Variants in RBFOX3 observed in about 807,000 individuals in gnomAD.
The protein encoded by RBFOX3 is RNA binding protein fox-1 homolog 3.
A neutral mutation model predicts 48.7 loss-of-function variants in RBFOX3; 17 were observed. The ratio of observed to expected loss-of-function variants is 0.35; its 90% confidence interval spans 0.24 to 0.52. RBFOX3 has a LOEUF of 0.52. Ranked by LOEUF, RBFOX3 falls within the 20% of genes least tolerant of loss-of-function variation. The probability of loss-of-function intolerance (pLI) is 0.94; values close to 1 mark genes in which losing one functional copy is unlikely to be tolerated. For missense variants in RBFOX3, 382 were observed against 497.5 expected (o/e 0.77, Z 2.21); for synonymous variants, 212 against 209.5 (o/e 1.01, Z -0.10).
chr17:79,236,121 CA>C (rs1469586142), intron 3 of RBFOX3, among the ~76,000 whole-genome samples: 1 of 152,164 alleles, frequency 6.6e-6, no homozygotes, highest in Non-Finnish European at 1.5e-5. Flanking sequence ...CCTCAAACTC[CA>C]AGCACTCCCC....
intron 4 of RBFOX3, among the ~76,000 whole-genome samples, chr17:79,134,083 G>A (rs955084899): frequency 6.6e-6 from 1 of 152,230 alleles, no homozygotes; most frequent in Non-Finnish European, 1.5e-5. Flanking sequence ...ACGGCGGGAA[G>A]GCAGGACCCC....
intron 1 of RBFOX3, among the ~76,000 whole-genome samples, chr17:79,519,405 C>T (rs1029640528): frequency 6.6e-6 from 1 of 152,368 alleles, no homozygotes; most frequent in Admixed American, 6.5e-5. Flanking sequence ...TGCAGCCCAC[C>T]CAGCTCAGAG....
chr17:79,123,840 G>A (rs531928807), intron 4 of RBFOX3, among the ~76,000 whole-genome samples: 7 of 152,304 alleles, frequency 4.6e-5, no homozygotes, highest in Admixed American at 1.3e-4. Flanking sequence ...CAGGAAACCC[G>A]GCTGTGCTGC....
At chr17:79,381,007 A>T (rs1453425419) in intron 2 of RBFOX3, among the ~76,000 whole-genome samples, 3 of 152,208 alleles carry the variant, frequency 2.0e-5, no homozygotes, top group Non-Finnish European at 4.4e-5. Flanking sequence ...CATGCCTGTA[A>T]TCCCAGCACT....
At chr17:79,217,572 G>A (rs1401061228) in intron 4 of RBFOX3, among the ~76,000 whole-genome samples, 1 of 152,172 alleles carries the variant, frequency 6.6e-6, no homozygotes, top group Admixed American at 6.5e-5. Context: ...GAGATGGAGG[G>A]GTGAATGGGT....
intron 1 of RBFOX3, among the ~76,000 whole-genome samples, chr17:79,509,099 C>T (rs922882887): frequency 6.6e-6 from 1 of 151,748 alleles, no homozygotes; most frequent in Non-Finnish European, 1.5e-5. Flanking sequence ...GTTCTTTGGC[C>T]GGTCTGAATG....
chr17:79,587,038 T>C (rs2093271345), intron 1 of RBFOX3, among the ~76,000 whole-genome samples: 1 of 152,146 alleles, frequency 6.6e-6, no homozygotes, highest in Non-Finnish European at 1.5e-5. Context: ...CAGAAACTGG[T>C]CCAAGAAAGA....
chr17:79,333,770 C>T (rs946929038), intron 2 of RBFOX3, among the ~76,000 whole-genome samples: 1 of 152,122 alleles, frequency 6.6e-6, no homozygotes, highest in Non-Finnish European at 1.5e-5. Flanking sequence ...TCCCTGATCC[C>T]ATCCTCCTCT....
At chr17:79,206,434 A>T (rs2057492346) in intron 4 of RBFOX3, among the ~76,000 whole-genome samples, 1 of 152,180 alleles carries the variant, frequency 6.6e-6, no homozygotes, top group South Asian at 2.1e-4. Context: ...AGTCTCCGGC[A>T]AGTCTCATTG....
At chr17:79,193,699 T>G (rs116946117) in intron 4 of RBFOX3, among the ~76,000 whole-genome samples, 2 of 152,216 alleles carry the variant, frequency 1.3e-5, no homozygotes, top group African/African-American at 2.4e-5. Context: ...AAATCCACAC[T>G]GGGAAGACTA....
At chr17:79,144,449 C>A (rs984961092) in intron 4 of RBFOX3, among the ~76,000 whole-genome samples, 1 of 152,218 alleles carries the variant, frequency 6.6e-6, no homozygotes, top group Non-Finnish European at 1.5e-5. Flanking sequence ...CTCCTGCAGG[C>A]CTCACTCAGA....
At chr17:79,400,820 G>A (rs1365791688) in intron 2 of RBFOX3, among the ~76,000 whole-genome samples, 1 of 152,156 alleles carries the variant, frequency 6.6e-6, no homozygotes, top group South Asian at 2.1e-4. Flanking sequence ...CTCTGCATCA[G>A]TCAGGCCACC....
chr17:79,321,333 CA>C (rs1221481602), intron 2 of RBFOX3, among the ~76,000 whole-genome samples: 4 of 152,310 alleles, frequency 2.6e-5, no homozygotes, highest in Admixed American at 1.3e-4. Context: ...AAAATCAGGA[CA>C]CTCTTGCAAT....
intron 2 of RBFOX3, among the ~76,000 whole-genome samples, chr17:79,358,571 T>C (rs904465324): frequency 2.0e-5 from 3 of 152,076 alleles, no homozygotes; most frequent in Admixed American, 1.3e-4. Flanking sequence ...AGCAATTCCA[T>C]TGCCTCAGTC....
intron 4 of RBFOX3, among the ~76,000 whole-genome samples, chr17:79,207,376 C>T (rs1467471039): frequency 2.0e-5 from 3 of 152,236 alleles, no homozygotes; most frequent in East Asian, 1.9e-4. Context: ...CAGTGTCCCT[C>T]GATTAGCCAC....
At chr17:79,609,883 C>T (rs1416523724) in intron 1 of RBFOX3, among the ~76,000 whole-genome samples, 1 of 152,004 alleles carries the variant, frequency 6.6e-6, no homozygotes, top group Non-Finnish European at 1.5e-5. Flanking sequence ...CCTTCCCGAG[C>T]GTGCGAGCCC....
chr17:79,486,162 C>T (rs886533194), intron 1 of RBFOX3, among the ~76,000 whole-genome samples: 13 of 152,146 alleles, frequency 8.5e-5, no homozygotes, highest in Admixed American at 6.5e-4. Flanking sequence ...CTCTAGGCCC[C>T]GCAGCCCGGC....
At chr17:79,494,186 T>C (rs985863256) in intron 1 of RBFOX3, among the ~76,000 whole-genome samples, 1 of 152,106 alleles carries the variant, frequency 6.6e-6, no homozygotes, top group African/African-American at 2.4e-5. Flanking sequence ...CCTTCAAGCA[T>C]TCAACAAACA....
Position 79,471,059 on chromosome 17 carries a change from G to A in RBFOX3, c.-175+11395C>T, listed in dbSNP as rs1555756680. 1.3e-5 allele frequency among the ~76,000 whole-genome samples: 2 copies of A among 152,176 alleles called. No individual in the cohort carries two copies. The highest frequency in any genetic ancestry group is 2.9e-5 in the Non-Finnish European group (2 of 68,028). On this transcript the variant is annotated intron_variant, in intron 2 of 14. Transcript: ENST00000693108. The surrounding 1 kb of genome is among the most constrained non-coding windows in gnomAD (Gnocchi z 4.0). ...CAGCCCTTCCTTTCTATTCACTGAAGGAGAAAAAACAGAATTAACTGCTTC... is the reference window on the plus strand; with the variant it reads ...CAGCCCTTCCTTTCTATTCACTGAAAGAGAAAAAACAGAATTAACTGCTTC...
Sources: allele counts gnomAD v4.1 joint callset (sites outside exome capture counted in the v4.1 genomes callset), GRCh38; gene constraint gnomAD v4.1.1; non-coding constraint Gnocchi (gnomAD v3.1); transcripts MANE v1.5; gene names NCBI Gene and HGNC (gene_info 2026-07-23, HGNC 2026-07-21).